AQR: variants seen among roughly 807,000 people sequenced by gnomAD.
AQR encodes the protein aquarius intron-binding spliceosomal factor, also known as RNA helicase aquarius.
Under a neutral mutation model 180.5 loss-of-function variants are expected in AQR, and 61 were observed. The ratio of observed to expected loss-of-function variants is 0.34; its 90% CI spans 0.28 to 0.42. The LOEUF is 0.42. AQR is among the 10% of genes least tolerant of loss of function. The pLI is 1.00. For missense variants in AQR, 1,281 were observed against 1,798.3 expected (o/e 0.71, Z 5.20); for synonymous variants, 551 against 588.8 (o/e 0.94, Z 0.93).
chr15:34,882,481 A>T, intron 27 of AQR, 21 bp downstream of exon 27: 1 of 1,469,348 alleles, frequency 6.8e-7, no homozygotes, highest in Admixed American at 2.7e-5. Context: ...AAAAAAAAAA[A>T]AAACTACCAT....
At chr15:34,935,221 C>G (rs771150370) in intron 9 of AQR, among the ~76,000 whole-genome samples, 7 of 152,172 alleles carry the variant, frequency 4.6e-5, no homozygotes, top group Non-Finnish European at 8.8e-5. Flanking sequence ...TTATTATATA[C>G]TATTTATGAG....
chr15:34,947,157 T>A (rs1894140456), intron 5 of AQR, among the ~76,000 whole-genome samples: 1 of 147,102 alleles, frequency 6.8e-6, no homozygotes, highest in South Asian at 2.1e-4. Context: ...TTCATTTTGT[T>A]CTGTACTAAG....
At chr15:34,906,182 C>T (rs183362189) in intron 18 of AQR, among the ~76,000 whole-genome samples, 1 of 152,188 alleles carries the variant, frequency 6.6e-6, no homozygotes, top group East Asian at 1.9e-4. Flanking sequence ...GAGTTTGAGA[C>T]CAGCCTGGGC....
Position 34,867,566 on chromosome 15 carries a change from A to G in AQR, c.3812T>C (p.Ile1271Thr). 1.2e-6 allele frequency: 2 copies of G among 1,611,976 alleles called. No homozygotes were observed. Among genetic ancestry groups the G allele is most frequent in the Non-Finnish European group, 8.5e-7 (1 of 1,179,222 alleles). Residue 1271 changes from isoleucine (I) to threonine (T), a missense_variant, in exon 32 of 35, where the codon ATT (isoleucine) becomes ACT (threonine). Physicochemically the swap from Ile to Thr is moderately conservative, Grantham distance 89. Coordinates refer to ENST00000156471, the MANE Select transcript of AQR (RefSeq NM_014691.3). Reference sequence around the variant, plus strand: ...CCTGGTTCGTACCAGAGAAAGAAGAATATAGTCATTCTGTTGACCTTGAAA... The same window carrying G: ...CCTGGTTCGTACCAGAGAAAGAAGAGTATAGTCATTCTGTTGACCTTGAAA... The part of the protein sequence containing the change: ...DRFQGQQNDY[I>T]LLSLVRTRAV...
intron 23 of AQR, 72 bp from the exon 24 acceptor site, chr15:34,890,396 G>C (rs376333113): frequency 3.9e-6 from 5 of 1,267,636 alleles, no homozygotes; most frequent in Non-Finnish European, 1.1e-6. Flanking sequence ...AAGAATCAAA[G>C]TTGAAACACA....
chr15:34,923,254 C>T (rs1179228445), intron 13 of AQR, among the ~76,000 whole-genome samples: 1 of 152,078 alleles, frequency 6.6e-6, no homozygotes, highest in Non-Finnish European at 1.5e-5. Flanking sequence ...GTACAATCTA[C>T]AGTTTCAGGC....
At chr15:34,918,165 T>C (rs1057332043) in intron 15 of AQR, 93 bp downstream of exon 15, 1 of 1,328,824 alleles carries the variant, frequency 7.5e-7, no homozygotes, top group Non-Finnish European at 1.0e-6. Flanking sequence ...ATGTACAGAG[T>C]AGACTCAAGT....
intron 1 of AQR, among the ~76,000 whole-genome samples, chr15:34,969,264 C>T (rs928365130): frequency 6.6e-6 from 1 of 152,180 alleles, no homozygotes; most frequent in Admixed American, 6.5e-5. Flanking sequence ...CAAACTCCAA[C>T]ACAGCAAAAC....
At chr15:34,941,766 C>T (rs1328575060) in intron 7 of AQR, among the ~76,000 whole-genome samples, 1 of 152,076 alleles carries the variant, frequency 6.6e-6, no homozygotes, top group African/African-American at 2.4e-5. Flanking sequence ...TAAATTAACC[C>T]CCTTTCTCTA....
At chr15:34,890,819 G>A (rs1296945637) in intron 23 of AQR, among the ~76,000 whole-genome samples, 3 of 152,266 alleles carry the variant, frequency 2.0e-5, no homozygotes, top group African/African-American at 7.2e-5. Flanking sequence ...ATAATAAAGA[G>A]CAGAGCACTC....
chr15:34,901,363 T>C (rs924712701), intron 19 of AQR, among the ~76,000 whole-genome samples: 1 of 152,018 alleles, frequency 6.6e-6, no homozygotes, highest in African/African-American at 2.4e-5. Flanking sequence ...ATATTAAAAT[T>C]AAGACTGTGA....
intron 1 of AQR, among the ~76,000 whole-genome samples, chr15:34,968,254 G>T (rs2050321966): frequency 1.3e-5 from 1 of 77,590 alleles, no homozygotes; most frequent in Non-Finnish European, 3.3e-5. Flanking sequence ...GGAAGGAAGA[G>T]ATTTTTTTTT....
At position 34,944,935 on chromosome 15, in the gene AQR, TC is replaced by T. The variant is rs561409348; in HGVS notation, c.331-508del. Among the ~76,000 whole-genome samples, 14 of 152,310 alleles carry T rather than the reference TC, an allele frequency of 9.2e-5. No homozygotes were observed. In the East Asian group the frequency reaches 2.3e-3, roughly 25 times the overall value. Reference sequence around the variant, plus strand: ...TCTAGTTACTGCCACAGACAAATGCTCCAAGCGTGTGGTCTATACTAGTTGT... The same window carrying T: ...TCTAGTTACTGCCACAGACAAATGCTCAAGCGTGTGGTCTATACTAGTTGT... On this transcript the variant is annotated intron_variant, in intron 5 of 34. Transcript: ENST00000156471.
intron 34 of AQR, among the ~76,000 whole-genome samples, chr15:34,859,025 A>T (rs561014702): frequency 6.6e-6 from 1 of 152,372 alleles, no homozygotes; most frequent in Admixed American, 6.5e-5. Context: ...TTTTTAGGAC[A>T]TAAAAAGCAT....
In AQR at chr15:34,948,238, G is replaced by C. The variant is rs758776375; in HGVS notation, c.330+26C>G. 4.5e-5 allele frequency: 72 copies of C among 1,611,560 alleles called. No homozygotes were observed. The East Asian group carries it at 5.6e-4, about 12-fold the overall frequency. On this transcript the variant is annotated intron_variant, in intron 5 of 34. Transcript: ENST00000156471. Reference sequence around the variant, plus strand: ...ATGGCTTATGTGGGTCAGTATGAAAGCTATGAAGTACTTTAAATCAGTTAC... The same window carrying C: ...ATGGCTTATGTGGGTCAGTATGAAACCTATGAAGTACTTTAAATCAGTTAC...
intron 4 of AQR, 138 bp downstream of exon 4, chr15:34,952,747 T>A (rs888637969): frequency 7.7e-6 from 5 of 652,504 alleles, no homozygotes; most frequent in African/African-American, 7.5e-5. Flanking sequence ...ATATACATAT[T>A]CCAAAATAAG....
intron 4 of AQR, among the ~76,000 whole-genome samples, chr15:34,948,778 C>G (rs912372480): frequency 3.6e-5 from 5 of 140,706 alleles, no homozygotes; most frequent in Non-Finnish European, 7.6e-5. Flanking sequence ...GCCTGGCCAA[C>G]AGAGCTAGAC....
chr15:34,898,431 T>C (rs571317675), intron 20 of AQR, among the ~76,000 whole-genome samples: 56 of 152,304 alleles, frequency 3.7e-4, no homozygotes, highest in Admixed American at 3.3e-3. Flanking sequence ...GCACTTATTT[T>C]GGTAAGAAAT....
chr15:34,910,124 T>C lies in AQR; in HGVS notation c.1663+11A>G. ...CAAAAGGTAATGTCACTTTTTGAAA[T>C]ACAAACTTACCTTCCCATTCATCTT... On this transcript the variant is annotated intron_variant, in intron 17 of 34. Coordinates refer to ENST00000156471, the MANE Select transcript of AQR (RefSeq NM_014691.3). The C allele has an allele frequency of 1.2e-6, 2 of 1,613,488 alleles. No individual in the cohort carries two copies. The highest frequency in any genetic ancestry group is 1.1e-5 in the South Asian group (1 of 91,068).
Sources: gnomAD v4.1 joint callset for allele counts (sites outside exome capture counted in the v4.1 genomes callset) on GRCh38, gnomAD v4.1.1 for gene constraint, MANE v1.5 for transcripts, NCBI Gene and HGNC (gene_info 2026-07-23, HGNC 2026-07-21) for gene names.